The following COL6A6 variants were observed in gnomAD, a reference collection of about 807,000 sequenced individuals.
COL6A6 encodes the protein collagen type VI alpha 6 chain, also known as collagen alpha-6(VI) chain.
Under a neutral mutation model 208.6 loss-of-function variants are expected in COL6A6, and 183 were observed. The observed-to-expected ratio is 0.88, with a 90% CI of 0.78 to 0.99. COL6A6 has a LOEUF of 0.99. Ranked by LOEUF, COL6A6 falls within the 50% of genes least tolerant of loss-of-function variation. COL6A6 has a pLI of 0.00. For missense variants in COL6A6, 2,816 were observed against 2,815.2 expected (o/e 1.00, Z -0.01); for synonymous variants, 973 against 1,011.8 (o/e 0.96, Z 0.73).
At chr3:130,598,705 CT>C (rs748550186) in intron 19 of COL6A6, among the ~76,000 whole-genome samples, 24 of 152,132 alleles carry the variant, frequency 1.6e-4, no homozygotes, top group Non-Finnish European at 2.9e-4. Context: ...GGAACTCTAA[CT>C]TAAAATATAG....
At chr3:130,634,671 T>C (rs1472360322) in intron 27 of COL6A6, 46 bp downstream of exon 27, 3 of 1,443,544 alleles carry the variant, frequency 2.1e-6, no homozygotes, top group Non-Finnish European at 2.9e-6. Flanking sequence ...GAAATACTCC[T>C]GGGGTTTATG....
intron 20 of COL6A6, among the ~76,000 whole-genome samples, chr3:130,602,501 T>C (rs959271267): frequency 6.6e-6 from 1 of 152,166 alleles, no homozygotes; most frequent in African/African-American, 2.4e-5. Flanking sequence ...AAAATATGAA[T>C]TCTGGCAAAT....
At chr3:130,567,767 T>G (rs908660884) in intron 5 of COL6A6, among the ~76,000 whole-genome samples, 1 of 152,296 alleles carries the variant, frequency 6.6e-6, no homozygotes, top group Non-Finnish European at 1.5e-5. Context: ...CTGCAAAGCA[T>G]TTTACAGTAT....
In COL6A6 at chr3:130,565,064, CT is replaced by C. The variant is rs757355143; in HGVS notation, c.735del (p.Phe245LeufsTer17). The C allele has an allele frequency of 6.2e-7, 1 of 1,613,940 alleles. No homozygotes were observed. The highest frequency in any genetic ancestry group is 8.5e-7 in the Non-Finnish European group (1 of 1,179,828). ...DMSINGSEENFDYLKGFLEES... is the reference protein window; with the variant it reads ...DMSINGSEENXDYLKGFLEES... ...TGTCAATCAATGGAAGTGAGGAGAA[CT>C]TTGACTATCTTAAAGGATTCTTGGA... is the stretch of plus-strand genomic sequence containing the variant. On this transcript the variant is annotated frameshift_variant, in exon 4 of 37. Coordinates refer to ENST00000358511, the MANE Select transcript of COL6A6 (RefSeq NM_001102608.3). LOFTEE classifies it high-confidence loss of function.
In COL6A6 at chr3:130,594,344, G is replaced by A. The variant is rs188911769; in HGVS notation, c.4533+1G>A. 224 of 1,612,008 alleles carry A rather than the reference G, an allele frequency of 1.4e-4. No homozygotes were observed. Among genetic ancestry groups the A allele is most frequent in the African/African-American group, 5.9e-4 (44 of 74,924 alleles). On this transcript the variant is annotated splice_donor_variant, in intron 18 of 36. Coordinates refer to ENST00000358511, the MANE Select transcript of COL6A6 (RefSeq NM_001102608.3). LOFTEE classifies it high-confidence loss of function. The stretch of plus-strand genomic sequence containing the variant: ...AGCAAAGGGCCTGCGAGGGGATCCC[G>A]TAAGTGCACGGGCTGCAAACTGGAG...
At chr3:130,618,193 C>A (rs1560073227) in intron 23 of COL6A6, among the ~76,000 whole-genome samples, 1 of 152,174 alleles carries the variant, frequency 6.6e-6, no homozygotes, top group Non-Finnish European at 1.5e-5. Flanking sequence ...GAGCAGCAGG[C>A]ATAGTGGCTG....
At chr3:130,662,368 A>C in intron 35 of COL6A6, 60 bp downstream of exon 35, 1 of 1,486,340 alleles carries the variant, frequency 6.7e-7, no homozygotes, top group Admixed American at 2.0e-5. Context: ...TTACTAAAAA[A>C]AGGTTGATGA....
intron 20 of COL6A6, among the ~76,000 whole-genome samples, chr3:130,606,170 G>A (rs922047576): frequency 6.6e-6 from 1 of 152,194 alleles, no homozygotes; most frequent in Non-Finnish European, 1.5e-5. Flanking sequence ...TTTTGCAAAT[G>A]CTGGGTTTTA....
At chr3:130,586,808 G>A (rs1363350637) in intron 11 of COL6A6, 148 bp downstream of exon 11, 1 of 697,636 alleles carries the variant, frequency 1.4e-6, no homozygotes, top group Non-Finnish European at 2.2e-6. Flanking sequence ...TAAGTAAGAG[G>A]GTTTGTTTGG....
chr3:130,602,560 G>A (rs2064056041), intron 20 of COL6A6, among the ~76,000 whole-genome samples: 1 of 152,164 alleles, frequency 6.6e-6, no homozygotes, highest in Admixed American at 6.6e-5. Flanking sequence ...TGCTCTTAAA[G>A]TTTGAAACAC....
chr3:130,656,535 G>T (rs1324412177), intron 33 of COL6A6, among the ~76,000 whole-genome samples: 4 of 152,156 alleles, frequency 2.6e-5, no homozygotes, highest in Non-Finnish European at 5.9e-5. Flanking sequence ...TGTGCTGATT[G>T]ATTAATGGGA....
intron 10 of COL6A6, among the ~76,000 whole-genome samples, chr3:130,583,953 T>C (rs72994313): frequency 7.2e-5 from 11 of 152,276 alleles, no homozygotes; most frequent in African/African-American, 2.6e-4. Context: ...CAATCATCAC[T>C]GAACAAGAGG....
intron 23 of COL6A6, among the ~76,000 whole-genome samples, chr3:130,621,390 A>G (rs2064711425): frequency 6.6e-6 from 1 of 152,212 alleles, no homozygotes; most frequent in African/African-American, 2.4e-5. Context: ...TTTCTAATAT[A>G]CATATCATAT....
At position 130,582,048 on chromosome 3, in the gene COL6A6, C is replaced by A; in HGVS notation, c.3950C>A (p.Ser1317Tyr). 6.2e-7 allele frequency: 1 copy of A among 1,601,554 alleles called. No individual in the cohort carries two copies. The highest frequency in any genetic ancestry group is 8.5e-7 in the Non-Finnish European group (1 of 1,171,306). Residue 1317 changes from serine to tyrosine, a missense_variant, in exon 10 of 37, where the codon TCT (serine) becomes TAT (tyrosine). Transcript: ENST00000358511. ...DDDVEKLEQK[S>Y]DELRKEGLNA... ...GATGTTGAGAAACTTGAACAAAAAT[C>A]TGATGAACTTAGAAAAGAAGGTACT...
chr3:130,586,821 G>T (rs2063553250), intron 11 of COL6A6, among the ~76,000 whole-genome samples, 161 bp downstream of exon 11: 1 of 152,138 alleles, frequency 6.6e-6, no homozygotes, highest in South Asian at 2.1e-4. Context: ...TTGTTTGGAA[G>T]AAATGTAATA....
chr3:130,670,191 C>T (rs1559807310), intron 36 of COL6A6, among the ~76,000 whole-genome samples: 2 of 152,210 alleles, frequency 1.3e-5, no homozygotes, highest in East Asian at 1.9e-4. Flanking sequence ...GAGCAGGGCT[C>T]CCCGTGCTGC....
intron 6 of COL6A6, among the ~76,000 whole-genome samples, chr3:130,569,398 G>A (rs1250840223): frequency 6.6e-6 from 1 of 152,180 alleles, no homozygotes; most frequent in African/African-American, 2.4e-5. Flanking sequence ...TACTGGGAAT[G>A]TAGAGTAATG....
At position 130,565,268 on chromosome 3, in the gene COL6A6, C is replaced by CAA. The variant is rs2062988904; in HGVS notation, c.940_941dup (p.Leu315SerfsTer26). On this transcript the variant is annotated frameshift_variant, in exon 4 of 37. Transcript: ENST00000358511. LOFTEE classifies it high-confidence loss of function. ...GGAAGGCCTATACTGGAGCTGCCATCAAAAAGCTCAGGAAGGAAGTTTTTA... is the reference window on the plus strand; with the variant it reads ...GGAAGGCCTATACTGGAGCTGCCATCAAAAAAAGCTCAGGAAGGAAGTTTTTA... 1.9e-6 allele frequency: 3 copies of CAA among 1,614,012 alleles called. No individual in the cohort carries two copies. Among genetic ancestry groups the CAA allele is most frequent in the Middle Eastern group, 1.6e-4 (1 of 6,062 alleles).
chr3:130,606,528 G>T (rs2064187722), intron 20 of COL6A6, among the ~76,000 whole-genome samples: 1 of 152,090 alleles, frequency 6.6e-6, no homozygotes, highest in Non-Finnish European at 1.5e-5. Context: ...CTGCCTTTTG[G>T]CTAGTTTACC....
Sources: gnomAD v4.1 joint callset for allele counts (sites outside exome capture counted in the v4.1 genomes callset) on GRCh38, gnomAD v4.1.1 for gene constraint, MANE v1.5 for transcripts, NCBI Gene and HGNC (gene_info 2026-07-23, HGNC 2026-07-21) for gene names.